Variants in CCND3 observed in about 807,000 individuals in gnomAD.
CCND3 encodes the protein cyclin D3.
A neutral mutation model predicts 28.7 loss-of-function variants in CCND3; 9 were observed. The ratio of observed to expected loss-of-function variants is 0.31; its 90% CI spans 0.19 to 0.55. CCND3 has a LOEUF of 0.55. Ranked by LOEUF, CCND3 falls within the 20% of genes least tolerant of loss-of-function variation. The probability of loss-of-function intolerance (pLI) is 0.93; values close to 1 mark genes in which losing one functional copy is unlikely to be tolerated. For synonymous variants in CCND3, 164 were observed against 163.9 expected, an observed-to-expected ratio of 1.00 and a Z score of 0.00; for missense variants, 315 against 385.8, an observed-to-expected ratio of 0.82 and a Z score of 1.54.
chr6:41,961,382 C>A (rs1374009569), intron 1 of CCND3, among the ~76,000 whole-genome samples: 1 of 152,090 alleles, frequency 6.6e-6, no homozygotes, highest in Non-Finnish European at 1.5e-5. Flanking sequence ...GCCTGGCCAT[C>A]ATGGTGAAAC....
At chr6:42,020,148 C>T (rs1474098657) in intron 1 of CCND3, among the ~76,000 whole-genome samples, 2 of 151,834 alleles carry the variant, frequency 1.3e-5, no homozygotes, top group African/African-American at 2.4e-5. Context: ...GCATGGTGGC[C>T]GGCGCCCGTA....
intron 1 of CCND3, among the ~76,000 whole-genome samples, chr6:41,969,658 C>T (rs1341550680): frequency 6.6e-6 from 1 of 152,020 alleles, no homozygotes; most frequent in Non-Finnish European, 1.5e-5. Flanking sequence ...ATCGCTTGAA[C>T]CCGGGAGGTG....
At chr6:41,991,843 C>A (rs182443636) in intron 1 of CCND3, among the ~76,000 whole-genome samples, 51 of 152,246 alleles carry the variant, frequency 3.3e-4, no homozygotes, top group Admixed American at 3.1e-3. Context: ...TGAGAACATG[C>A]GGTGTTTAAC....
chr6:42,004,231 C>T (rs1391096917), intron 1 of CCND3, among the ~76,000 whole-genome samples: 5 of 151,698 alleles, frequency 3.3e-5, no homozygotes, highest in Non-Finnish European at 5.9e-5. Flanking sequence ...TCTCCAGTAG[C>T]TGGGATTACA....
chr6:42,034,174 C>T (rs4711704), intron 1 of CCND3, among the ~76,000 whole-genome samples: 4 of 147,052 alleles, frequency 2.7e-5, no homozygotes, highest in South Asian at 2.2e-4. Flanking sequence ...TGAGATGGAG[C>T]CTCGCTCTTG....
chr6:41,966,007 G>A (rs1761875950), intron 1 of CCND3, among the ~76,000 whole-genome samples: 1 of 152,146 alleles, frequency 6.6e-6, no homozygotes, highest in Non-Finnish European at 1.5e-5. Flanking sequence ...TAGACTGAGA[G>A]CTTAATTAAA....
At position 41,939,252 on chromosome 6, in the gene CCND3, G is replaced by A. The variant is rs1393988141; in HGVS notation, c.414+1118C>T. Among the ~76,000 whole-genome samples the A allele has an allele frequency of 1.3e-5, 2 of 152,086 alleles. No homozygotes were observed. Among genetic ancestry groups the A allele is most frequent in the African/African-American group, 2.4e-5 (1 of 41,398 alleles). The stretch of plus-strand genomic sequence containing the variant: ...AGCAGTCGGGGGCCCCAGTACCCTG[G>A]CTTCCCTGCCAGCCAATCACAGCAG... On this transcript the variant is annotated intron_variant, in intron 2 of 4. Coordinates refer to ENST00000372991, the MANE Select transcript of CCND3 (RefSeq NM_001760.5). The surrounding 1 kb of genome is among the most constrained non-coding windows in gnomAD (Gnocchi z 4.2).
At position 42,005,158 on chromosome 6, in the gene CCND3, TA is replaced by T. The variant is rs1582153634; in HGVS notation, c.-46+43342del. On this transcript the variant is annotated intron_variant, in intron 1 of 4. Transcript: ENST00000372988. ...ATATGCTGACACCTTGCTCAAAATA[TA>T]AGCAAACCAAACCCAGCAGTGTATT... Among the ~76,000 whole-genome samples the T allele has an allele frequency of 2.0e-4, 30 of 152,318 alleles. No homozygotes were observed. The East Asian group carries it at 5.4e-3, about 27-fold the overall frequency.
intron 1 of CCND3, among the ~76,000 whole-genome samples, chr6:42,010,523 A>T (rs1763311863): frequency 2.0e-5 from 3 of 152,126 alleles, no homozygotes; most frequent in Admixed American, 2.0e-4. Flanking sequence ...CCAAGGAAAG[A>T]CACCAAGCCC....
At chr6:41,976,066 G>T (rs944964219) in intron 1 of CCND3, among the ~76,000 whole-genome samples, 1 of 151,840 alleles carries the variant, frequency 6.6e-6, no homozygotes, top group Non-Finnish European at 1.5e-5. Flanking sequence ...AATTAGCTGG[G>T]TCTGGCCGGG....
chr6:42,027,809 T>A (rs9394853), intron 1 of CCND3, among the ~76,000 whole-genome samples: 3 of 152,026 alleles, frequency 2.0e-5, no homozygotes, highest in South Asian at 2.1e-4. Flanking sequence ...GGGCAATGGC[T>A]CAATCTCAGC....
At chr6:41,983,333 T>C (rs1368105118) in intron 1 of CCND3, among the ~76,000 whole-genome samples, 1 of 150,040 alleles carries the variant, frequency 6.7e-6, no homozygotes, top group African/African-American at 2.5e-5. Flanking sequence ...GATCGTGCCA[T>C]TGCACTCCAA....
At chr6:41,966,712 C>T (rs1761896345) in intron 1 of CCND3, among the ~76,000 whole-genome samples, 1 of 152,190 alleles carries the variant, frequency 6.6e-6, no homozygotes, top group South Asian at 2.1e-4. Context: ...CCCTTCTAGA[C>T]TGGATGTGGT....
At chr6:42,006,368 T>C (rs1763175406) in intron 1 of CCND3, among the ~76,000 whole-genome samples, 1 of 151,726 alleles carries the variant, frequency 6.6e-6, no homozygotes, top group South Asian at 2.1e-4. Flanking sequence ...TTAAAGAGCA[T>C]CTACCCTAAA....
At chr6:42,004,724 C>A (rs1763129059) in intron 1 of CCND3, among the ~76,000 whole-genome samples, 1 of 151,794 alleles carries the variant, frequency 6.6e-6, no homozygotes, top group Non-Finnish European at 1.5e-5. Flanking sequence ...AGTGAGACTC[C>A]ATTTCAGGAA....
intron 1 of CCND3, among the ~76,000 whole-genome samples, chr6:41,950,476 C>A (rs1202945409): frequency 6.6e-6 from 1 of 152,122 alleles, no homozygotes; most frequent in South Asian, 2.1e-4. Flanking sequence ...CCGTCCCAGC[C>A]TTCTCATTTG....
At chr6:42,014,148 G>C (rs1362111108) in intron 1 of CCND3, among the ~76,000 whole-genome samples, 1 of 151,416 alleles carries the variant, frequency 6.6e-6, no homozygotes, top group Non-Finnish European at 1.5e-5. Context: ...GGTGGATCAC[G>C]AGGTCAGGAG....
upstream of CCND3, among the ~76,000 whole-genome samples, chr6:41,946,444 T>A (rs959934073): frequency 6.7e-6 from 1 of 148,502 alleles, no homozygotes; most frequent in Non-Finnish European, 1.5e-5. Flanking sequence ...AAAAAAAAAA[T>A]ATAAAAATTA....
In CCND3 at chr6:42,005,266, G is replaced by T. The variant is rs1375441294; in HGVS notation, c.-46+43235C>A. Among the ~76,000 whole-genome samples, 5 of 152,244 alleles carry T rather than the reference G, an allele frequency of 3.3e-5. No homozygotes were observed. The South Asian group carries it at 8.3e-4, about 25-fold the overall frequency. On this transcript the variant is annotated intron_variant, in intron 1 of 4. Transcript: ENST00000372988. ...TAACATAAAAAATTACTGGGGCGAG[G>T]TGTGGTGGCTCAGGCCTGTAATCCC...
Sources: allele counts gnomAD v4.1 joint callset (sites outside exome capture counted in the v4.1 genomes callset), GRCh38; gene constraint gnomAD v4.1.1; non-coding constraint Gnocchi (gnomAD v3.1); transcripts MANE v1.5; gene names NCBI Gene and HGNC (gene_info 2026-07-23, HGNC 2026-07-21).